Variants in TCF4 observed in about 807,000 individuals in gnomAD.
TCF4 encodes transcription factor 4, also known as SL3-3 enhancer factor 2.
A neutral mutation model predicts 82.1 loss-of-function variants in TCF4; 3 were observed. That is an observed-to-expected ratio of 0.04 (90% CI 0.02 to 0.09). TCF4 has a LOEUF of 0.09. Among genes scored for constraint, TCF4 ranks in the 10% least tolerant of loss-of-function variants. The probability of loss-of-function intolerance (pLI) is 1.00; values close to 1 mark genes in which losing one functional copy is unlikely to be tolerated. For synonymous variants in TCF4, 276 were observed against 309.6 expected (o/e 0.89, Z 1.14); for missense variants, 518 against 852.7 (o/e 0.61, Z 4.89).
chr18:55,542,667 C>A (rs925504769), intron 3 of TCF4, among the ~76,000 whole-genome samples: 5 of 151,994 alleles, frequency 3.3e-5, no homozygotes, highest in African/African-American at 9.7e-5. Flanking sequence ...AACACACACA[C>A]ACATATATGT....
At chr18:55,484,755 C>T (rs1448838373) in intron 3 of TCF4, among the ~76,000 whole-genome samples, 1 of 152,230 alleles carries the variant, frequency 6.6e-6, no homozygotes, top group Non-Finnish European at 1.5e-5. Context: ...ACAAACATGA[C>T]TTCCTTTTTT....
At position 55,468,615 on chromosome 18, in the gene TCF4, T is replaced by C. The variant is rs564368267; in HGVS notation, c.146-4478A>G. The stretch of plus-strand genomic sequence containing the variant: ...ATACTTATATCATACCCAACTGTGA[T>C]GTACGTTTATTATAGGAAAGAAACA... On this transcript the variant is annotated intron_variant, in intron 3 of 19. Coordinates refer to ENST00000354452, the MANE Select transcript of TCF4 (RefSeq NM_001083962.2). Among the ~76,000 whole-genome samples the C allele has an allele frequency of 1.1e-3, 175 of 152,382 alleles. 1 individual carries two copies. The highest frequency in any genetic ancestry group is 4.0e-3 in the African/African-American group (166 of 41,596).
intron 4 of TCF4, among the ~76,000 whole-genome samples, chr18:55,462,527 G>A (rs1476214671): frequency 2.6e-5 from 4 of 152,150 alleles, no homozygotes; most frequent in Non-Finnish European, 5.9e-5. Flanking sequence ...AAATTGGTTT[G>A]AAATTATTCA....
intron 8 of TCF4, among the ~76,000 whole-genome samples, chr18:55,321,058 G>A (rs1452133241): frequency 6.6e-6 from 1 of 152,018 alleles, no homozygotes; most frequent in Non-Finnish European, 1.5e-5. Flanking sequence ...GAATGAACCC[G>A]TTTGTTTTTC....
intron 6 of TCF4, among the ~76,000 whole-genome samples, chr18:55,387,454 C>A (rs1320030367): frequency 6.6e-6 from 1 of 152,208 alleles, no homozygotes; most frequent in African/African-American, 2.4e-5. Context: ...GCTTTTCCAT[C>A]AAAATATTCT....
intron 5 of TCF4, among the ~76,000 whole-genome samples, chr18:55,449,677 C>T (rs947049536): frequency 8.5e-5 from 13 of 152,208 alleles, no homozygotes; most frequent in African/African-American, 3.1e-4. Context: ...ACTCAGAAAG[C>T]CAAGCCAATG....
chr18:55,312,943 A>G (rs1020078969), intron 8 of TCF4, among the ~76,000 whole-genome samples: 1 of 152,204 alleles, frequency 6.6e-6, no homozygotes, highest in Non-Finnish European at 1.5e-5. Context: ...CACAGCTGTC[A>G]TGAGTTGAAA....
intron 8 of TCF4, among the ~76,000 whole-genome samples, chr18:55,292,151 G>C (rs1215636274): frequency 6.6e-6 from 1 of 151,924 alleles, no homozygotes; most frequent in Non-Finnish European, 1.5e-5. Context: ...TTTTTCATTT[G>C]ATCTAATTTT....
chr18:55,509,541 T>C (rs891134891), intron 3 of TCF4, among the ~76,000 whole-genome samples: 1 of 152,156 alleles, frequency 6.6e-6, no homozygotes, highest in Non-Finnish European at 1.5e-5. Context: ...GAATGGACTG[T>C]TGAAAGAATG....
In TCF4 at chr18:55,464,097, T is replaced by A. The variant is rs369630179; in HGVS notation, c.186A>T (p.Gly62=). 2 of 1,613,890 alleles carry A rather than the reference T, an allele frequency of 1.2e-6. No homozygotes were observed. Among genetic ancestry groups the A allele is most frequent in the African/African-American group, 2.7e-5 (2 of 74,908 alleles). ...DRSSSGSWGN[G]GHPSPSRNYG... ...TTACCCTGGACGGGCTTGGATGTCC[T>A]CCATTCCCCCAGGACCCTGAGCTAC... The change falls in exon 4 of 20, where the codon GGA becomes GGT. Residue 62 remains glycine (G), a synonymous_variant. Transcript: ENST00000354452.
intron 5 of TCF4, among the ~76,000 whole-genome samples, chr18:55,436,313 A>G (rs2095328573): frequency 6.6e-6 from 1 of 152,240 alleles, no homozygotes; most frequent in South Asian, 2.1e-4. Flanking sequence ...TAACTACTTT[A>G]TTCATTAAAA....
intron 8 of TCF4, among the ~76,000 whole-genome samples, chr18:55,297,147 GTTTTT>G (rs35268463): frequency 5.0e-4 from 32 of 64,272 alleles, no homozygotes; most frequent in African/African-American, 2.2e-3. Context: ...TTTCTTTGAG[GTTTTT>G]TTTTTTTTTT....
intron 5 of TCF4, among the ~76,000 whole-genome samples, chr18:55,413,752 C>G (rs1427751711): frequency 2.0e-5 from 3 of 151,866 alleles, no homozygotes; most frequent in Non-Finnish European, 4.4e-5. Flanking sequence ...CAAGGAGTAG[C>G]CAGAAGAATG....
intron 8 of TCF4, among the ~76,000 whole-genome samples, chr18:55,302,778 T>A (rs2068737862): frequency 6.6e-6 from 1 of 152,166 alleles, no homozygotes; most frequent in Non-Finnish European, 1.5e-5. Flanking sequence ...TAAAGCTGCA[T>A]CTGGAGCCCG....
chr18:55,327,256 G>A (rs970851196), intron 8 of TCF4, among the ~76,000 whole-genome samples: 3 of 151,412 alleles, frequency 2.0e-5, no homozygotes, highest in Non-Finnish European at 2.9e-5. Context: ...CACACTTATC[G>A]GATAAGTAGA....
At chr18:55,430,805 A>G (rs1208797777) in intron 5 of TCF4, among the ~76,000 whole-genome samples, 1 of 152,210 alleles carries the variant, frequency 6.6e-6, no homozygotes, top group Non-Finnish European at 1.5e-5. Flanking sequence ...TTGGAAACTA[A>G]GTAGTTTTTT....
chr18:55,573,110 C>T (rs2097491093), intron 3 of TCF4, among the ~76,000 whole-genome samples: 1 of 152,066 alleles, frequency 6.6e-6, no homozygotes, highest in Non-Finnish European at 1.5e-5. Flanking sequence ...ACTTCCACCC[C>T]TGTACCCTCG....
intron 13 of TCF4, among the ~76,000 whole-genome samples, chr18:55,259,033 T>C (rs1274832270): frequency 6.6e-6 from 1 of 152,132 alleles, no homozygotes. Flanking sequence ...AGCTAAGCCA[T>C]GGCCATCATT....
intron 15 of TCF4, among the ~76,000 whole-genome samples, chr18:55,244,325 G>T (rs1284650413): frequency 6.6e-6 from 1 of 152,102 alleles, no homozygotes; most frequent in African/African-American, 2.4e-5. Flanking sequence ...CTGCTTATTT[G>T]AAATAGTAGT....
Sources: allele counts gnomAD v4.1 joint callset (sites outside exome capture counted in the v4.1 genomes callset), GRCh38; gene constraint gnomAD v4.1.1; transcripts MANE v1.5; gene names NCBI Gene and HGNC (gene_info 2026-07-23, HGNC 2026-07-21).